The following TICRR variants were observed in gnomAD, a reference collection of about 807,000 sequenced individuals.
TICRR encodes the protein TOPBP1 interacting checkpoint and replication regulator, also known as treslin.
Under a neutral mutation model 178.1 loss-of-function variants are expected in TICRR, and 132 were observed. That is an observed-to-expected ratio of 0.74 (90% CI 0.64 to 0.86). TICRR has a LOEUF of 0.86. Ranked by LOEUF, TICRR falls within the 40% of genes least tolerant of loss-of-function variation. The pLI is 0.00. For missense variants in TICRR, 2,587 were observed against 2,334.3 expected (o/e 1.11, Z -2.23); for synonymous variants, 991 against 900.7 (o/e 1.10, Z -1.79).
At chr15:89,590,613 A>G (rs1024650469) in intron 4 of TICRR, among the ~76,000 whole-genome samples, 1 of 152,144 alleles carries the variant, frequency 6.6e-6, no homozygotes, top group Non-Finnish European at 1.5e-5. Flanking sequence ...GTGAGGTCCT[A>G]TTCATGCATT....
At chr15:89,578,517 G>C (rs1197202349) in intron 1 of TICRR, among the ~76,000 whole-genome samples, 2 of 152,150 alleles carry the variant, frequency 1.3e-5, no homozygotes, top group Non-Finnish European at 2.9e-5. Context: ...ACATTGCTCA[G>C]CTGGAAACAA....
At chr15:89,619,194 T>C (rs1963382739) in intron 17 of TICRR, among the ~76,000 whole-genome samples, 1 of 151,536 alleles carries the variant, frequency 6.6e-6, no homozygotes, top group African/African-American at 2.4e-5. Context: ...CTAACATAAA[T>C]ACTTGTTTTC....
At position 89,585,810 on chromosome 15, in the gene TICRR, G is replaced by C; in HGVS notation, c.1279G>C (p.Ala427Pro). Residue 427 changes from alanine to proline, a missense_variant, in exon 4 of 22, where the codon GCT becomes CCT. Physicochemically the swap from Ala to Pro is conservative, Grantham distance 27. Transcript: ENST00000268138. ...CCTCACTGTGTGCCGCACCAAGGAG[G>C]CTGAATTTCAACGACATGTTCTCCA... ...MILTVCRTKEAEFQRHVLQTA... is the reference protein window; with the variant it reads ...MILTVCRTKEPEFQRHVLQTA... 1 of 1,614,142 alleles carries C rather than the reference G, an allele frequency of 6.2e-7. No homozygotes were observed. Among genetic ancestry groups the C allele is most frequent in the South Asian group, 1.1e-5 (1 of 91,070 alleles).
intron 13 of TICRR, among the ~76,000 whole-genome samples, chr15:89,603,775 C>T (rs1211733150): frequency 6.6e-6 from 1 of 152,050 alleles, no homozygotes; most frequent in Non-Finnish European, 1.5e-5. Context: ...CCTATGCATG[C>T]ATAAGTTCAA....
chr15:89,617,766 A>T (rs1365444572), intron 16 of TICRR, among the ~76,000 whole-genome samples: 1 of 145,892 alleles, frequency 6.9e-6, no homozygotes, highest in Non-Finnish European at 1.5e-5. Flanking sequence ...ATCCTGGCTC[A>T]CTGCAACGTC....
At chr15:89,613,512 C>T (rs964933502) in intron 15 of TICRR, among the ~76,000 whole-genome samples, 1 of 152,072 alleles carries the variant, frequency 6.6e-6, no homozygotes, top group Non-Finnish European at 1.5e-5. Context: ...CTGCCTCTTC[C>T]TTTCTGTCCT....
In TICRR at chr15:89,599,484, G is replaced by A; in HGVS notation, c.2052+9G>A. On this transcript the variant is annotated intron_variant, in intron 8 of 21. Coordinates refer to ENST00000268138, the MANE Select transcript of TICRR (RefSeq NM_152259.4). ...GCACCAAGGAATTAGAAGTAAGAGGGTCCAGATATTGTTGTTTGTCATGGA... is the reference window on the plus strand; with the variant it reads ...GCACCAAGGAATTAGAAGTAAGAGGATCCAGATATTGTTGTTTGTCATGGA... 6.2e-7 allele frequency: 1 copy of A among 1,608,098 alleles called. No homozygotes were observed.
At chr15:89,610,080 A>G (rs1029239617) in intron 15 of TICRR, among the ~76,000 whole-genome samples, 1 of 152,058 alleles carries the variant, frequency 6.6e-6, no homozygotes, top group Non-Finnish European at 1.5e-5. Context: ...GTTTCATTCT[A>G]TTGTTGTAAA....
rs1963093933 is a variant in TICRR at position 89,601,411 on chromosome 15, C to G, written c.2247+20C>G. ...GAGGAGGCAAGTATATAGTTTCGTG[C>G]CATTGAAATACGCCCTAGATGCTTT... On this transcript the variant is annotated intron_variant, in intron 10 of 21. Coordinates refer to ENST00000268138, the MANE Select transcript of TICRR (RefSeq NM_152259.4). 1.2e-6 allele frequency: 2 copies of G among 1,612,640 alleles called. No individual in the cohort carries two copies. Among genetic ancestry groups the G allele is most frequent in the Admixed American group, 1.7e-5 (1 of 60,008 alleles).
chr15:89,617,044 G>A (rs373329984), intron 16 of TICRR, among the ~76,000 whole-genome samples: 1 of 152,164 alleles, frequency 6.6e-6, no homozygotes, highest in Non-Finnish European at 1.5e-5. Flanking sequence ...AGGGGTGTAG[G>A]CAGCAAACAG....
Position 89,582,942 on chromosome 15 carries a change from G to A in TICRR, c.911G>A (p.Gly304Glu). The A allele has an allele frequency of 6.2e-7, 1 of 1,613,280 alleles. No individual in the cohort carries two copies. The highest frequency in any genetic ancestry group is 8.5e-7 in the Non-Finnish European group (1 of 1,179,442). ...EYEASFPRME[G>E]MLFLPVEAGK... ...GAGGCCTCGTTTCCACGAATGGAAG[G>A]AATGTTATTTCTCCCTGTTGAAGGT... The change falls in exon 2 of 22, where the codon GGA becomes GAA. Residue 304 changes from glycine (G) to glutamate (E), a missense_variant. Coordinates refer to ENST00000268138, the MANE Select transcript of TICRR (RefSeq NM_152259.4).
At chr15:89,603,996 T>C (rs756173139) in intron 13 of TICRR, among the ~76,000 whole-genome samples, 16 of 152,142 alleles carry the variant, frequency 1.1e-4, no homozygotes, top group Non-Finnish European at 2.4e-4. Flanking sequence ...GTTGTTTTTT[T>C]CATGGCAGTT....
chr15:89,575,500 G>GT lies in TICRR; in HGVS notation c.-86dup. 7.7e-7 allele frequency: 1 copy of GT among 1,290,596 alleles called. No homozygotes were observed. Among genetic ancestry groups the GT allele is most frequent in the South Asian group, 1.6e-5 (1 of 62,604 alleles). The allele number at this position is 1,290,596 out of a possible 1,614,324, so 79.9% of individuals were successfully genotyped here. ...TCGACCAGGGTCCCAAAGGAAAGCA[G>GT]TGAGTGGTGCTGTTTCCCTGAAGGA... On this transcript the variant is annotated 5_prime_UTR_variant, in exon 1 of 22. Coordinates refer to ENST00000268138, the MANE Select transcript of TICRR (RefSeq NM_152259.4).
rs748870131 is a variant in TICRR at position 89,627,116 on chromosome 15, A to G, written c.*30A>G. 1.9e-6 allele frequency: 3 copies of G among 1,613,058 alleles called. No homozygotes were observed. The highest frequency in any genetic ancestry group is 1.1e-5 in the South Asian group (1 of 91,030). On this transcript the variant is annotated 3_prime_UTR_variant, in exon 22 of 22. Coordinates refer to ENST00000268138, the MANE Select transcript of TICRR (RefSeq NM_152259.4). ...AAACATTACTGAGCCCAAAAGATCA[A>G]GGAGTCAGCCAGGACCCTGTGGACA...
At position 89,601,886 on chromosome 15, in the gene TICRR, CT is replaced by C; in HGVS notation, c.2483del (p.Leu828CysfsTer33). The C allele has an allele frequency of 1.2e-6, 2 of 1,614,092 alleles. No homozygotes were observed. Among genetic ancestry groups the C allele is most frequent in the Non-Finnish European group, 8.5e-7 (1 of 1,180,026 alleles). On this transcript the variant is annotated frameshift_variant, in exon 12 of 22. Coordinates refer to ENST00000268138, the MANE Select transcript of TICRR (RefSeq NM_152259.4). LOFTEE classifies it high-confidence loss of function. ...QENKSPLLSV[P>X]FLSSARRSVS... ...AACAAATCACCACTTCTTTCTGTGC[CT>C]TTTTTGTCAAGTGCTCGTAGATCAG... is the stretch of plus-strand genomic sequence containing the variant.
Position 89,624,161 on chromosome 15 carries a change from T to C in TICRR, c.3851T>C (p.Leu1284Pro), listed in dbSNP as rs753382892. The C allele has an allele frequency of 1.2e-6, 2 of 1,613,730 alleles. No individual in the cohort carries two copies. Among genetic ancestry groups the C allele is most frequent in the South Asian group, 1.1e-5 (1 of 91,064 alleles). ...AARAEEPAQK[L>P]KDKAIKTPKR... The stretch of plus-strand genomic sequence containing the variant: ...CGGGCAGAGGAACCAGCCCAGAAAC[T>C]AAAGGATAAAGCTATCAAAACTCCA... The change falls in exon 20 of 22, where the codon CTA becomes CCA. Residue 1284 changes from leucine (L) to proline (P), a missense_variant. By Grantham distance (98) the Leu-to-Pro change is moderately conservative. Transcript: ENST00000268138.
intron 15 of TICRR, among the ~76,000 whole-genome samples, chr15:89,611,102 A>G (rs543905341): frequency 6.6e-6 from 1 of 151,604 alleles, no homozygotes; most frequent in South Asian, 2.1e-4. Context: ...TTATCTGTCT[A>G]GTTACCTTTA....
chr15:89,597,281 TG>T (rs1963013141), intron 7 of TICRR, among the ~76,000 whole-genome samples: 1 of 152,118 alleles, frequency 6.6e-6, no homozygotes, highest in East Asian at 1.9e-4. Flanking sequence ...CCTAGCACTT[TG>T]GGAGGCTGAG....
rs147351837 is a variant in TICRR at position 89,624,882 on chromosome 15, C to T, written c.4572C>T (p.Asp1524=). The T allele has an allele frequency of 6.5e-5, 105 of 1,614,128 alleles. No homozygotes were observed. The South Asian group carries it at 7.5e-4, about 11-fold the overall frequency. Residue 1524 remains aspartate (D), a synonymous_variant, in exon 20 of 22, where the codon GAC becomes GAT. Transcript: ENST00000268138. The part of the protein sequence containing the change: ...GPGSPLMPSR[D]VHCTTDGRQC... ...GCTCTCCTCTGATGCCTTCCCGTGA[C>T]GTGCACTGTACCACAGATGGGAGAC...
Sources: gnomAD v4.1 joint callset for allele counts (sites outside exome capture counted in the v4.1 genomes callset) on GRCh38, gnomAD v4.1.1 for gene constraint, MANE v1.5 for transcripts, NCBI Gene and HGNC (gene_info 2026-07-23, HGNC 2026-07-21) for gene names.